Variants in STAB2 observed in about 807,000 individuals in gnomAD.
The protein encoded by STAB2 is stabilin 2.
In STAB2, 288 loss-of-function variants were observed where a neutral mutation model predicts 338.1. That is an observed-to-expected ratio of 0.85 (90% CI 0.77 to 0.94). STAB2 has a LOEUF of 0.94. Ranked by LOEUF, STAB2 falls within the 40% of genes least tolerant of loss-of-function variation. STAB2 has a pLI of 0.00. For synonymous variants in STAB2, 1,202 were observed against 1,193.3 expected (o/e 1.01, Z -0.15); for missense variants, 3,141 against 3,210.1 (o/e 0.98, Z 0.52).
At position 103,688,179 on chromosome 12, in the gene STAB2, T is replaced by C; in HGVS notation, c.3009T>C (p.Phe1003=). Reference sequence around the variant, plus strand: ...ATGATATGAATAAGGAATTGTCATTTCTCTCCGAAGCAGCTATATTTAACC... The same window carrying C: ...ATGATATGAATAAGGAATTGTCATTCCTCTCCGAAGCAGCTATATTTAACC... The part of the protein sequence containing the change: ...CYGNAAVELS[F]LSEAAIFNRW... The change falls in exon 28 of 69, where the codon TTT becomes TTC. Residue 1003 remains phenylalanine, a synonymous_variant. Coordinates refer to ENST00000388887, the MANE Select transcript of STAB2 (RefSeq NM_017564.10). 1 of 1,613,868 alleles carries C rather than the reference T, an allele frequency of 6.2e-7. No individual in the cohort carries two copies. Among genetic ancestry groups the C allele is most frequent in the East Asian group, 2.2e-5 (1 of 44,890 alleles).
intron 33 of STAB2, among the ~76,000 whole-genome samples, chr12:103,698,026 G>A (rs939783610): frequency 2.0e-5 from 3 of 152,160 alleles, no homozygotes; most frequent in African/African-American, 7.2e-5. Context: ...TGCGAGTGAC[G>A]GGAAACTGCC....
chr12:103,765,915 A>G (rs1333358783), intron 68 of STAB2: 3 of 361,038 alleles, frequency 8.3e-6, no homozygotes, highest in African/African-American at 6.4e-5. Flanking sequence ...TCAAACCGAA[A>G]GGAGTTTTTA....
intron 2 of STAB2, among the ~76,000 whole-genome samples, chr12:103,591,859 C>A (rs1036024234): frequency 1.3e-5 from 2 of 152,206 alleles, no homozygotes; most frequent in Non-Finnish European, 2.9e-5. Flanking sequence ...TGGGGCTCAA[C>A]TGCAAATGCA....
intron 3 of STAB2, among the ~76,000 whole-genome samples, chr12:103,616,201 C>G (rs568088159): frequency 2.6e-5 from 4 of 152,302 alleles, no homozygotes; most frequent in African/African-American, 9.6e-5. Flanking sequence ...TCTCCAATTC[C>G]TCTCTGATCA....
chr12:103,661,740 G>T lies in STAB2; in HGVS notation c.1869+977G>T, dbSNP rs570274530. 1.1e-4 allele frequency among the ~76,000 whole-genome samples: 16 copies of T among 152,274 alleles called. No individual in the cohort carries two copies. In the East Asian group the frequency reaches 1.5e-3, roughly 15 times the overall value. On this transcript the variant is annotated intron_variant, in intron 17 of 68. Coordinates refer to ENST00000388887, the MANE Select transcript of STAB2 (RefSeq NM_017564.10). ...GGGGAACAAACAGTGTGAATATCCG[G>T]GGGACATTCCAGAGGGAACAGCAAG...
intron 32 of STAB2, 43 bp downstream of exon 32, chr12:103,695,691 C>A: frequency 1.2e-6 from 2 of 1,614,026 alleles, no homozygotes; most frequent in African/African-American, 2.7e-5. Flanking sequence ...CTCAGGTTAC[C>A]CAGGAACAGG....
chr12:103,647,328 TA>T (rs111230871), intron 9 of STAB2, among the ~76,000 whole-genome samples: 15 of 147,732 alleles, frequency 1.0e-4, no homozygotes, highest in Admixed American at 1.3e-4. Context: ...GGATTAACCA[TA>T]AAAAAAAAAG....
At chr12:103,647,044 A>G (rs1307634338) in intron 9 of STAB2, among the ~76,000 whole-genome samples, 1 of 152,244 alleles carries the variant, frequency 6.6e-6, no homozygotes, top group Non-Finnish European at 1.5e-5. Flanking sequence ...TTCAGTGGAC[A>G]GCAAAAAGAA....
In STAB2 at chr12:103,749,253, C is replaced by T. The variant is rs1207332477; in HGVS notation, c.6438+97C>T. 3.1e-6 allele frequency: 4 copies of T among 1,292,804 alleles called. No homozygotes were observed. The Admixed American group carries it at 8.5e-5, about 27-fold the overall frequency. The allele number at this position is 1,292,804 out of a possible 1,614,324, so 80.1% of individuals were successfully genotyped here. A position where few individuals can be genotyped will look rare whatever the true frequency, so the allele number is the denominator to read the frequency against. On this transcript the variant is annotated intron_variant, in intron 59 of 68. Coordinates refer to ENST00000388887, the MANE Select transcript of STAB2 (RefSeq NM_017564.10). ...CCATACTCTGCTTATCTCCTGGACT[C>T]TTCCTAAACATTTTTTCTAGCACAG...
intron 6 of STAB2, 55 bp downstream of exon 6, chr12:103,631,748 T>C: frequency 6.4e-7 from 1 of 1,552,548 alleles, no homozygotes; most frequent in Non-Finnish European, 8.9e-7. Flanking sequence ...CACAAATGTA[T>C]GCATTTCAAT....
At chr12:103,604,607 G>T (rs1957000684) in intron 3 of STAB2, among the ~76,000 whole-genome samples, 1 of 151,794 alleles carries the variant, frequency 6.6e-6, no homozygotes, top group African/African-American at 2.4e-5. Context: ...CAATACATTT[G>T]TCCATTTTAT....
At chr12:103,704,460 T>C (rs1041510837) in intron 35 of STAB2, 98 bp from the exon 36 acceptor site, 44 of 1,237,532 alleles carry the variant, frequency 3.6e-5, no homozygotes, top group Middle Eastern at 3.9e-4. Context: ...TAATCTGCCT[T>C]GATTTTTAAT....
intron 30 of STAB2, 42 bp downstream of exon 30, chr12:103,690,580 G>A: frequency 1.3e-6 from 2 of 1,543,900 alleles, no homozygotes; most frequent in Non-Finnish European, 1.8e-6. Context: ...AAACATAACA[G>A]CTTTGTTTAT....
chr12:103,750,944 C>G (rs890019658), intron 60 of STAB2, among the ~76,000 whole-genome samples: 2 of 152,164 alleles, frequency 1.3e-5, no homozygotes, highest in Non-Finnish European at 2.9e-5. Context: ...TACAAAAAAT[C>G]AGCCGGTTGT....
chr12:103,653,747 A>ATGAATGGATGG (rs1458193151), intron 12 of STAB2, among the ~76,000 whole-genome samples: 10 of 22,802 alleles, frequency 4.4e-4, no homozygotes, highest in Non-Finnish European at 7.4e-4. Context: ...TGGATGGATG[A>ATGAATGGATGG]ATGGATGGAT....
intron 36 of STAB2, 75 bp downstream of exon 36, chr12:103,704,689 T>C: frequency 7.6e-7 from 1 of 1,319,600 alleles, no homozygotes. Flanking sequence ...ACCTCAAGAT[T>C]ATGTGATTTG....
chr12:103,748,453 C>T (rs1176371758), intron 58 of STAB2, among the ~76,000 whole-genome samples: 1 of 152,110 alleles, frequency 6.6e-6, no homozygotes, highest in African/African-American at 2.4e-5. Flanking sequence ...GGGTTTAAAT[C>T]TTCAGCCAGG....
chr12:103,696,175 C>A (rs1026394569), intron 33 of STAB2, among the ~76,000 whole-genome samples: 21 of 152,202 alleles, frequency 1.4e-4, no homozygotes, highest in African/African-American at 4.8e-4. Flanking sequence ...TAGGATCTAT[C>A]TATAGAACCA....
In STAB2 at chr12:103,725,036, G is replaced by T. The variant is rs567096688; in HGVS notation, c.4745G>T (p.Cys1582Phe). Residue 1582 changes from cysteine to phenylalanine, a missense_variant, in exon 45 of 69, where the codon TGT (cysteine) becomes TTT (phenylalanine). Physicochemically the swap from Cys to Phe is radical, Grantham distance 205 (BLOSUM62 -2). Transcript: ENST00000388887. ...CACACTGGGCAAGTAGAAAGGACTT[G>T]TACTTGCAAGCCAAACTACATTGGA... ...CNHTGQVERTCTCKPNYIGDG... is the reference protein window; with the variant it reads ...CNHTGQVERTFTCKPNYIGDG... The T allele has an allele frequency of 8.1e-6, 13 of 1,614,050 alleles. No homozygotes were observed. In the African/African-American group the frequency reaches 1.7e-4, roughly 22 times the overall value.
Sources: allele counts gnomAD v4.1 joint callset (sites outside exome capture counted in the v4.1 genomes callset), GRCh38; gene constraint gnomAD v4.1.1; transcripts MANE v1.5; gene names NCBI Gene and HGNC (gene_info 2026-07-23, HGNC 2026-07-21).